Variants in CXADR observed in about 807,000 individuals in gnomAD.
CXADR encodes CXADR cell adhesion molecule, also known as coxsackievirus and adenovirus receptor.
CXADR carries 20 observed loss-of-function variants against 40.3 expected under a neutral mutation model. The ratio of observed to expected loss-of-function variants is 0.50; its 90% CI spans 0.35 to 0.72. CXADR has a LOEUF of 0.72. Ranked by LOEUF, CXADR falls within the 30% of genes least tolerant of loss-of-function variation. The probability of loss-of-function intolerance (pLI) is 0.01; values close to 1 mark genes in which losing one functional copy is unlikely to be tolerated. For synonymous variants in CXADR, 150 were observed against 161.3 expected (o/e 0.93, Z 0.53); for missense variants, 332 against 449.1 (o/e 0.74, Z 2.36).
At chr21:17,525,261 T>C (rs1166191527) in intron 1 of CXADR, among the ~76,000 whole-genome samples, 1 of 152,242 alleles carries the variant, frequency 6.6e-6, no homozygotes, top group African/African-American at 2.4e-5. Context: ...GGGAATGGTT[T>C]TAATTTCATT....
intron 3 of CXADR, among the ~76,000 whole-genome samples, chr21:17,557,067 C>G (rs2061045221): frequency 6.6e-6 from 1 of 152,096 alleles, no homozygotes; most frequent in Non-Finnish European, 1.5e-5. Flanking sequence ...ATGCATTTAC[C>G]TTTATTCATA....
At chr21:17,545,176 C>T (rs2060880853) in intron 1 of CXADR, among the ~76,000 whole-genome samples, 1 of 149,406 alleles carries the variant, frequency 6.7e-6, no homozygotes, top group African/African-American at 2.5e-5. Context: ...TTAGGGCCTC[C>T]TCCAGGTCAT....
chr21:17,625,649 G>A, the CXADR span, among the ~76,000 whole-genome samples: 6 of 152,042 alleles, frequency 3.9e-5, no homozygotes, highest in African/African-American at 9.7e-5. Context: ...TAAAGAGCTC[G>A]AGATCAAGTC....
downstream of CXADR, among the ~76,000 whole-genome samples, chr21:17,574,034 C>G (rs1194871564): frequency 6.6e-6 from 1 of 152,202 alleles, no homozygotes; most frequent in Non-Finnish European, 1.5e-5. Flanking sequence ...GCCAAAAGGC[C>G]AGGAAGTGAT....
At chr21:17,575,814 G>A (rs188275814) in intron 7 of CXADR, among the ~76,000 whole-genome samples, 14 of 151,572 alleles carry the variant, frequency 9.2e-5, no homozygotes, top group East Asian at 2.0e-4. Context: ...TAGGCTGGGC[G>A]CAGTGGCTCA....
intron 3 of CXADR, among the ~76,000 whole-genome samples, chr21:17,556,630 A>G (rs966597080): frequency 6.6e-5 from 10 of 152,198 alleles, no homozygotes; most frequent in Non-Finnish European, 1.2e-4. Flanking sequence ...GGCTCATTTC[A>G]TTGAAGACTC....
At chr21:17,615,863 A>G in the CXADR span, among the ~76,000 whole-genome samples, 1 of 152,250 alleles carries the variant, frequency 6.6e-6, no homozygotes, top group Non-Finnish European at 1.5e-5. Context: ...CTTAGAATCA[A>G]CAAAATCTGT....
intron 6 of CXADR, among the ~76,000 whole-genome samples, chr21:17,564,687 TA>T (rs1769396089): frequency 6.6e-6 from 1 of 152,068 alleles, no homozygotes; most frequent in Non-Finnish European, 1.5e-5. Context: ...AACTTTAATA[TA>T]AAAAGAATTT....
At chr21:17,531,959 G>T (rs2060682913) in intron 1 of CXADR, among the ~76,000 whole-genome samples, 1 of 149,720 alleles carries the variant, frequency 6.7e-6, no homozygotes, top group Admixed American at 6.7e-5. Context: ...TTTGGTGGTG[G>T]GGGACAGGGT....
chr21:17,629,118 C>T, the CXADR span, among the ~76,000 whole-genome samples: 2 of 152,082 alleles, frequency 1.3e-5, no homozygotes, highest in Admixed American at 6.5e-5. Context: ...GACAAGGAGG[C>T]CAATGAATCA....
At chr21:17,570,893 C>T (rs2061272430), downstream of CXADR, among the ~76,000 whole-genome samples, 1 of 152,076 alleles carries the variant, frequency 6.6e-6, no homozygotes, top group South Asian at 2.1e-4. Flanking sequence ...GTTTCTCAAC[C>T]AGCACTATTA....
the CXADR span, among the ~76,000 whole-genome samples, chr21:17,625,746 T>G: frequency 8.0e-4 from 122 of 152,358 alleles, no homozygotes; most frequent in African/African-American, 2.8e-3. Context: ...ATACATTTCC[T>G]CGTTTAATTA....
intron 1 of CXADR, among the ~76,000 whole-genome samples, chr21:17,531,574 G>A (rs968113326): frequency 7.9e-5 from 12 of 151,930 alleles, no homozygotes; most frequent in Admixed American, 5.9e-4. Context: ...GATTTGTTTC[G>A]CCATTCCTCC....
the CXADR span, among the ~76,000 whole-genome samples, chr21:17,610,889 G>A: frequency 6.6e-6 from 1 of 152,130 alleles, no homozygotes; most frequent in Non-Finnish European, 1.5e-5. Context: ...TATTCCAAGT[G>A]CAAATTCAAA....
At chr21:17,538,184 A>G (rs142974106) in intron 1 of CXADR, among the ~76,000 whole-genome samples, 328 of 136,622 alleles carry the variant, frequency 2.4e-3, no homozygotes, top group African/African-American at 8.5e-3. Context: ...ATATTTTAGT[A>G]GAGATGGGGT....
chr21:17,513,371 C>T (rs1056809330), intron 1 of CXADR, among the ~76,000 whole-genome samples, 199 bp downstream of exon 1: 1 of 151,988 alleles, frequency 6.6e-6, no homozygotes, highest in East Asian at 2.0e-4. Flanking sequence ...CGTAGGGAGC[C>T]GCGCAGGGCG....
intron 1 of CXADR, among the ~76,000 whole-genome samples, chr21:17,545,072 GTTTTTTTTT>G (rs869189508): frequency 3.6e-5 from 2 of 55,424 alleles, no homozygotes; most frequent in Non-Finnish European, 3.3e-5. Context: ...GCTCTAATGT[GTTTTTTTTT>G]TTTTTTTTTT....
At chr21:17,592,383 A>G (rs2061445240) in intron 7 of CXADR, among the ~76,000 whole-genome samples, 1 of 131,190 alleles carries the variant, frequency 7.6e-6, no homozygotes, top group Non-Finnish European at 1.6e-5. Flanking sequence ...CAATGTAGTT[A>G]TATTTTAAAA....
chr21:17,584,328 C>T (rs2061380117), intron 7 of CXADR, among the ~76,000 whole-genome samples: 1 of 152,164 alleles, frequency 6.6e-6, no homozygotes, highest in African/African-American at 2.4e-5. Flanking sequence ...GTAGCTTTGG[C>T]TTTTTATTTA....
Sources: gnomAD v4.1 joint callset for allele counts (sites outside exome capture counted in the v4.1 genomes callset) on GRCh38, gnomAD v4.1.1 for gene constraint, MANE v1.5 for transcripts, NCBI Gene and HGNC (gene_info 2026-07-23, HGNC 2026-07-21) for gene names.